COL2A1: variants seen among roughly 807,000 people sequenced by gnomAD.
The protein encoded by COL2A1 is collagen alpha-1(II) chain.
A neutral mutation model predicts 204.5 loss-of-function variants in COL2A1; 28 were observed. That is an observed-to-expected ratio of 0.14 (90% CI 0.10 to 0.19). COL2A1 has a LOEUF of 0.19. COL2A1 is among the 10% of genes least tolerant of loss of function. The pLI is 1.00. For missense variants in COL2A1, 1,388 were observed against 2,027.5 expected, an observed-to-expected ratio of 0.68 and a Z score of 6.06; for synonymous variants, 708 against 718.7, an observed-to-expected ratio of 0.99 and a Z score of 0.24.
In COL2A1 at chr12:47,976,971, C is replaced by A. The variant is rs1173358632; in HGVS notation, c.3328-52G>T. 2.6e-6 allele frequency: 4 copies of A among 1,516,214 alleles called. No individual in the cohort carries two copies. The South Asian group carries it at 3.5e-5, about 13-fold the overall frequency. 93.9% of individuals were successfully genotyped at this position (1,516,214 alleles called of 1,614,324 possible). On this transcript the variant is annotated intron_variant, in intron 47 of 53. Transcript: ENST00000380518. The surrounding 1 kb of genome is among the most constrained non-coding windows in gnomAD (Gnocchi z 4.3). ...GTCAGGTCAGGGCCAGGACAGGAGCCCCCTCCTGTCCCACCCAAGCTGAGG... is the reference window on the plus strand; with the variant it reads ...GTCAGGTCAGGGCCAGGACAGGAGCACCCTCCTGTCCCACCCAAGCTGAGG...
At chr12:47,999,134 A>G (rs1048947494) in intron 2 of COL2A1, among the ~76,000 whole-genome samples, 2 of 152,214 alleles carry the variant, frequency 1.3e-5, no homozygotes, top group Admixed American at 1.3e-4. Flanking sequence ...CAGGAAGCGG[A>G]CAGCAAGAGC....
At chr12:47,995,195 A>T (rs1939894613) in intron 11 of COL2A1, 60 bp downstream of exon 11, 1 of 1,473,666 alleles carries the variant, frequency 6.8e-7, no homozygotes, top group African/African-American at 1.4e-5. Flanking sequence ...CCAAGCACAC[A>T]CCCTCTCCAG....
chr12:47,983,259 G>A (rs935869490), intron 31 of COL2A1, 122 bp from the exon 32 acceptor site: 194 of 1,482,950 alleles, frequency 1.3e-4, no homozygotes, highest in Non-Finnish European at 1.7e-4. Flanking sequence ...GTGGAGGCTG[G>A]GACATGGGTC....
Position 47,973,334 on chromosome 12 carries a change from G to T in COL2A1, c.*73C>A, listed in dbSNP as rs2136501247. The stretch of plus-strand genomic sequence containing the variant: ...GTCAGCCATTCAGTGCAGAGTCCTA[G>T]AGTGACTGAGATTGGAAAGTACTTG... On this transcript the variant is annotated 3_prime_UTR_variant, in exon 54 of 54. Transcript: ENST00000380518. 1.2e-6 allele frequency: 2 copies of T among 1,600,888 alleles called. No homozygotes were observed. Among genetic ancestry groups the T allele is most frequent in the Non-Finnish European group, 1.7e-6 (2 of 1,167,908 alleles).
In COL2A1 at chr12:47,985,939, T is replaced by C; in HGVS notation, c.1554A>G (p.Pro518=). The change falls in exon 24 of 54, where the codon CCA becomes CCG. Residue 518 remains proline, a synonymous_variant. Coordinates refer to ENST00000380518, the MANE Select transcript of COL2A1 (RefSeq NM_001844.5). The part of the protein sequence containing the change: ...ERGAPGNRGF[P]GQDGLAGPKG... ...TGGGACCTGCCAGACCATCTTGACCTGGGAAACCGCGGTTGCCGGGAGCAC... is the reference window on the plus strand; with the variant it reads ...TGGGACCTGCCAGACCATCTTGACCCGGGAAACCGCGGTTGCCGGGAGCAC... 10 of 1,551,816 alleles carry C rather than the reference T, an allele frequency of 6.4e-6. No individual in the cohort carries two copies. The highest frequency in any genetic ancestry group is 8.7e-6 in the Non-Finnish European group (10 of 1,147,078).
chr12:47,986,728 T>C (rs1939439711), intron 22 of COL2A1, 107 bp downstream of exon 22: 5 of 1,290,390 alleles, frequency 3.9e-6, no homozygotes, highest in Admixed American at 1.7e-5. Flanking sequence ...AGGACCCAGA[T>C]TGGGGGATAG....
intron 33 of COL2A1, 38 bp from the exon 34 acceptor site, chr12:47,982,647 C>A: frequency 1.4e-6 from 2 of 1,471,662 alleles, no homozygotes; most frequent in African/African-American, 3.0e-5. Context: ...TAGTGGACAG[C>A]ACCTCTCCCT....
rs1592198065 is a variant in COL2A1 at position 47,976,128 on chromosome 12, C to T, written c.3490-58G>A. 1.3e-5 allele frequency: 17 copies of T among 1,290,962 alleles called. No individual in the cohort carries two copies. Among genetic ancestry groups the T allele is most frequent in the South Asian group, 9.5e-5 (8 of 84,644 alleles). 80.0% of individuals were successfully genotyped at this position (1,290,962 alleles called of 1,614,324 possible). The stretch of plus-strand genomic sequence containing the variant: ...GTCACCACAGGGAAGGCTGGGGAGT[C>T]GCTGGGGCTGGGTAGGTGGCTGTCC... On this transcript the variant is annotated intron_variant, in intron 49 of 53. Transcript: ENST00000380518. This position sits in a 1 kb window ranked among gnomAD's most constrained non-coding sequence, Gnocchi z 4.3.
rs1417242549 is a variant in COL2A1 at position 47,980,790 on chromosome 12, TG to T, written c.2517+124del. The T allele has an allele frequency of 2.9e-6, 4 of 1,391,236 alleles. No individual in the cohort carries two copies. The highest frequency in any genetic ancestry group is 4.0e-6 in the Non-Finnish European group (4 of 1,001,190). The allele number at this position is 1,391,236 out of a possible 1,614,324, so 86.2% of individuals were successfully genotyped here. A position where few individuals can be genotyped will look rare whatever the true frequency, so the allele number is the denominator to read the frequency against. Reference sequence around the variant, plus strand: ...TCTGGACATGATGGTTCTATTAGTATGGAGGCGGGAAAGGAGAGGAGAGGAG... The same window carrying T: ...TCTGGACATGATGGTTCTATTAGTATGAGGCGGGAAAGGAGAGGAGAGGAG... On this transcript the variant is annotated intron_variant, in intron 38 of 53. Coordinates refer to ENST00000380518, the MANE Select transcript of COL2A1 (RefSeq NM_001844.5). This position sits in a 1 kb window ranked among gnomAD's most constrained non-coding sequence, Gnocchi z 4.5.
chr12:47,975,236 G>A, intron 51 of COL2A1, 81 bp downstream of exon 51: 2 of 1,545,362 alleles, frequency 1.3e-6, no homozygotes, highest in East Asian at 2.3e-5. Context: ...CCTGTACTAG[G>A]GGGCATCTCC....
intron 11 of COL2A1, 34 bp downstream of exon 11, chr12:47,995,221 G>A (rs758745095): frequency 2.8e-5 from 45 of 1,588,388 alleles, no homozygotes; most frequent in Middle Eastern, 1.7e-4. Context: ...TTCAAAGGAG[G>A]CAGCTCCTCA....
At chr12:47,996,441 A>G in intron 8 of COL2A1, 107 bp downstream of exon 8, 1 of 963,740 alleles carries the variant, frequency 1.0e-6, no homozygotes, top group Non-Finnish European at 1.7e-6. Context: ...TACGGAGGAG[A>G]GCCACTCTAA....
Position 47,986,897 on chromosome 12 carries a change from G to A in COL2A1, c.1366-9C>T. 1 of 1,614,188 alleles carries A rather than the reference G, an allele frequency of 6.2e-7. No individual in the cohort carries two copies. The highest frequency in any genetic ancestry group is 2.2e-5 in the East Asian group (1 of 44,880). On this transcript the variant is annotated splice_polypyrimidine_tract_variant and intron_variant, in intron 21 of 53. Transcript: ENST00000380518. ...GCAATACCAGGTTCACCCTTGAAAA[G>A]AGAGGCAGGTCCTCACACCAGATTC...
At chr12:47,982,732 C>T in intron 33 of COL2A1, 116 bp downstream of exon 33, 1 of 1,267,836 alleles carries the variant, frequency 7.9e-7, no homozygotes, top group Non-Finnish European at 1.1e-6. Flanking sequence ...TGTAGACCTC[C>T]TTTCCAGCTC....
chr12:47,996,122 G>C (rs1182359481), intron 8 of COL2A1, among the ~76,000 whole-genome samples: 2 of 152,232 alleles, frequency 1.3e-5, no homozygotes, highest in South Asian at 2.1e-4. Flanking sequence ...GGACAGAAAA[G>C]CTGGCCTTGC....
At chr12:48,002,596 TAAGCAAGCG>T in intron 1 of COL2A1, 1 of 152,310 alleles carries the variant, frequency 6.6e-6, no homozygotes, top group East Asian at 1.9e-4. Flanking sequence ...ACCGCCTAAT[TAAGCAAGCG>T]ACCCTAATAC....
At position 47,997,344 on chromosome 12, in the gene COL2A1, C is replaced by T. The variant is rs56959315; in HGVS notation, c.531+262G>A. Among the ~76,000 whole-genome samples, 30,966 of 152,212 alleles carry T rather than the reference C, an allele frequency of 0.2. 3,381 individuals are homozygous for T. Among genetic ancestry groups the T allele is most frequent in the East Asian group, 0.33 (1,686 of 5,174 alleles). ...TACACCCACCCCCCAGCATCAACTA[C>T]GTGGTACAGATGCCAGGAAGCCAGG... On this transcript the variant is annotated intron_variant, in intron 7 of 53. Transcript: ENST00000380518.
chr12:48,000,182 G>A, intron 1 of COL2A1, 57 bp from the exon 2 acceptor site: 1 of 1,267,158 alleles, frequency 7.9e-7, no homozygotes, highest in Non-Finnish European at 1.1e-6. Flanking sequence ...GGGGTGGGGA[G>A]CCAGAGAGAA....
In COL2A1 at chr12:47,977,165, G is replaced by C; in HGVS notation, c.3274-10C>G. 1 of 1,611,352 alleles carries C rather than the reference G, an allele frequency of 6.2e-7. No individual in the cohort carries two copies. Among genetic ancestry groups the C allele is most frequent in the Non-Finnish European group, 8.5e-7 (1 of 1,178,980 alleles). On this transcript the variant is annotated splice_polypyrimidine_tract_variant and intron_variant, in intron 46 of 53. Transcript: ENST00000380518. ...TGGGGCCTTGTGCACCCTGAGGAGA[G>C]AGTGAGCGCAGCGTCAGAGAAAAGC...
Sources: allele counts gnomAD v4.1 joint callset (sites outside exome capture counted in the v4.1 genomes callset), GRCh38; gene constraint gnomAD v4.1.1; non-coding constraint Gnocchi (gnomAD v3.1); transcripts MANE v1.5; gene names NCBI Gene and HGNC (gene_info 2026-07-23, HGNC 2026-07-21).